VPS13D: variants seen among roughly 807,000 people sequenced by gnomAD.
The protein encoded by VPS13D is vacuolar protein sorting 13 homolog D, also known as intermembrane lipid transfer protein VPS13D.
VPS13D carries 187 observed loss-of-function variants against 461.9 expected under a neutral mutation model. The observed-to-expected ratio is 0.40, with a 90% CI of 0.36 to 0.46. The LOEUF (loss-of-function observed/expected upper bound fraction) is 0.46, where lower values mean the gene tolerates loss of function less well. Ranked by LOEUF, VPS13D falls within the 20% of genes least tolerant of loss-of-function variation. The probability of loss-of-function intolerance (pLI) is 0.60; values close to 1 mark genes in which losing one functional copy is unlikely to be tolerated. For missense variants in VPS13D, 4,711 were observed against 5,364.9 expected, an observed-to-expected ratio of 0.88 and a Z score of 3.81; for synonymous variants, 1,951 against 1,986.3, an observed-to-expected ratio of 0.98 and a Z score of 0.47.
In VPS13D at chr1:12,368,517, G is replaced by A. The variant is rs1644070785; in HGVS notation, c.10498G>A (p.Gly3500Arg). The A allele has an allele frequency of 6.2e-7, 1 of 1,613,796 alleles. No homozygotes were observed. The highest frequency in any genetic ancestry group is 8.5e-7 in the Non-Finnish European group (1 of 1,179,850). The change falls in exon 53 of 70, where the codon GGA becomes AGA. Residue 3500 changes from glycine to arginine, a missense_variant. This residue lies in a region of VPS13D where 4,411 missense variants were observed against 4,937.8 expected (regional missense o/e 0.89). Coordinates refer to ENST00000620676, the MANE Select transcript of VPS13D (RefSeq NM_015378.4). ...FFLRVEITLR[G>R]ATYRISFSDT... ...CCTACGAGTGGAAATTACTCTCCGA[G>A]GAGCTACGTATAGGATCTCATTTAG...
At chr1:12,409,647 G>A (rs1315077506) in intron 63 of VPS13D, among the ~76,000 whole-genome samples, 1 of 152,130 alleles carries the variant, frequency 6.6e-6, no homozygotes, top group East Asian at 1.9e-4. Flanking sequence ...CGGTAAGGAA[G>A]AGTATTTGGC....
Position 12,505,094 on chromosome 1 carries a change from G to T in VPS13D, c.12795-1759G>T, listed in dbSNP as rs769878082. On this transcript the variant is annotated intron_variant, in intron 68 of 69. Transcript: ENST00000620676. The surrounding 1 kb of genome is among the most constrained non-coding windows in gnomAD (Gnocchi z 4.2). ...ACTTTGGAGTCTCCTTGGAGAGCCCGTGACGGCCTCAGTGGCTGTGCACCA... is the reference window on the plus strand; with the variant it reads ...ACTTTGGAGTCTCCTTGGAGAGCCCTTGACGGCCTCAGTGGCTGTGCACCA... 6.6e-6 allele frequency among the ~76,000 whole-genome samples: 1 copy of T among 152,196 alleles called. No homozygotes were observed. Among genetic ancestry groups the T allele is most frequent in the Non-Finnish European group, 1.5e-5 (1 of 68,034 alleles).
chr1:12,271,177 C>T, intron 17 of VPS13D, 53 bp downstream of exon 17: 1 of 1,609,524 alleles, frequency 6.2e-7, no homozygotes, highest in Non-Finnish European at 8.5e-7. Context: ...GGCAGGAATT[C>T]TTTCCGTCAA....
chr1:12,441,136 G>A (rs2100341555), intron 65 of VPS13D, among the ~76,000 whole-genome samples: 1 of 152,210 alleles, frequency 6.6e-6, no homozygotes, highest in Admixed American at 6.5e-5. Context: ...ATGTTGACCA[G>A]GCTGGTCTCA....
At chr1:12,424,529 C>T (rs1644900299) in intron 65 of VPS13D, among the ~76,000 whole-genome samples, 1 of 152,124 alleles carries the variant, frequency 6.6e-6, no homozygotes, top group Non-Finnish European at 1.5e-5. Context: ...CAGGCAGTCC[C>T]CATGTACCTC....
chr1:12,332,939 GTTC>G (rs1643366559), intron 37 of VPS13D, among the ~76,000 whole-genome samples: 4 of 152,116 alleles, frequency 2.6e-5, no homozygotes, highest in Admixed American at 1.3e-4. Flanking sequence ...CATCCCACCT[GTTC>G]TTTAGTGGAA....
At chr1:12,475,371 G>C (rs1041876904) in intron 67 of VPS13D, among the ~76,000 whole-genome samples, 3 of 152,186 alleles carry the variant, frequency 2.0e-5, no homozygotes, top group African/African-American at 7.2e-5. Flanking sequence ...ATAACTAGTT[G>C]TGTAACTTCC....
chr1:12,311,932 CT>C lies in VPS13D; in HGVS notation c.6935+10del. 2 of 1,602,562 alleles carry C rather than the reference CT, an allele frequency of 1.2e-6. No homozygotes were observed. The highest frequency in any genetic ancestry group is 1.7e-6 in the Non-Finnish European group (2 of 1,170,200). On this transcript the variant is annotated splice_region_variant and intron_variant, in intron 29 of 69. Coordinates refer to ENST00000620676, the MANE Select transcript of VPS13D (RefSeq NM_015378.4). ...GTGCTGGGTCCCTAGCCAGGTATGC[CT>C]TTGATTATATTATTATACTGTTAGT...
At chr1:12,380,049 G>C (rs547271628) in intron 57 of VPS13D, among the ~76,000 whole-genome samples, 1 of 152,138 alleles carries the variant, frequency 6.6e-6, no homozygotes, top group Non-Finnish European at 1.5e-5. Context: ...GATTACAGGC[G>C]TGAGCCACCG....
intron 1 of VPS13D, among the ~76,000 whole-genome samples, chr1:12,232,520 C>G (rs1640010864): frequency 6.6e-6 from 1 of 151,532 alleles, no homozygotes; most frequent in Non-Finnish European, 1.5e-5. Context: ...TGGATCAGAA[C>G]AAGATTTGAG....
At position 12,405,339 on chromosome 1, in the gene VPS13D, C is replaced by A. The variant is rs979803098; in HGVS notation, c.12030+1366C>A. Reference sequence around the variant, plus strand: ...ATTCAAGTTTTTTGGTTTTTTTAAACCTTGTGGGCCTAACAAAACACATGT... The same window carrying A: ...ATTCAAGTTTTTTGGTTTTTTTAAAACTTGTGGGCCTAACAAAACACATGT... On this transcript the variant is annotated intron_variant, in intron 63 of 69. Transcript: ENST00000620676. 3.3e-5 allele frequency among the ~76,000 whole-genome samples: 5 copies of A among 151,984 alleles called. No homozygotes were observed. In the South Asian group the frequency reaches 1.0e-3, roughly 32 times the overall value.
At chr1:12,238,842 C>T (rs902940806) in intron 2 of VPS13D, among the ~76,000 whole-genome samples, 3 of 151,862 alleles carry the variant, frequency 2.0e-5, no homozygotes, top group Non-Finnish European at 4.4e-5. Flanking sequence ...ACTATGTTGC[C>T]TAGGCTGGTC....
intron 65 of VPS13D, among the ~76,000 whole-genome samples, chr1:12,432,394 CAAAA>C (rs565314145): frequency 1.1e-5 from 1 of 91,648 alleles, no homozygotes. Context: ...AACTCCGTCT[CAAAA>C]AAAAAAAAAA....
At chr1:12,292,001 G>A (rs1038840810) in intron 23 of VPS13D, among the ~76,000 whole-genome samples, 1 of 152,196 alleles carries the variant, frequency 6.6e-6, no homozygotes, top group Admixed American at 6.5e-5. Context: ...GCTCACGCCT[G>A]TAATCCCAGC....
chr1:12,294,878 A>G (rs1297455953), intron 24 of VPS13D, among the ~76,000 whole-genome samples: 6 of 152,142 alleles, frequency 3.9e-5, no homozygotes, highest in African/African-American at 1.2e-4. Context: ...TTTGGGAACC[A>G]TAGAAAATAA....
At chr1:12,457,106 C>A (rs963311664) in intron 66 of VPS13D, among the ~76,000 whole-genome samples, 1 of 152,210 alleles carries the variant, frequency 6.6e-6, no homozygotes, top group Admixed American at 6.5e-5. Context: ...AATTCTGAGT[C>A]ATTTGCCTTT....
At chr1:12,504,152 G>T (rs1243069573) in intron 68 of VPS13D, among the ~76,000 whole-genome samples, 2 of 152,042 alleles carry the variant, frequency 1.3e-5, no homozygotes, top group Non-Finnish European at 2.9e-5. Context: ...GTAAAAAAAA[G>T]AAAAAGAAAA....
At chr1:12,348,348 G>T (rs1251385990) in intron 44 of VPS13D, among the ~76,000 whole-genome samples, 1 of 152,202 alleles carries the variant, frequency 6.6e-6, no homozygotes. Flanking sequence ...AATTTTAATT[G>T]TGTTGGATGT....
intron 35 of VPS13D, among the ~76,000 whole-genome samples, chr1:12,326,143 A>G: frequency 6.6e-6 from 1 of 151,776 alleles, no homozygotes; most frequent in East Asian, 1.9e-4. Context: ...GATTCTGAAA[A>G]AAATGAAGGT....
Sources: gnomAD v4.1 joint callset for allele counts (sites outside exome capture counted in the v4.1 genomes callset) on GRCh38, gnomAD v4.1.1 for gene constraint, gnomAD v4.1.1 regional missense constraint, Gnocchi (gnomAD v3.1) non-coding constraint, MANE v1.5 for transcripts, NCBI Gene and HGNC (gene_info 2026-07-23, HGNC 2026-07-21) for gene names.